DCAF5: variants seen among roughly 807,000 people sequenced by gnomAD.
DCAF5 encodes DDB1- and CUL4-associated factor 5.
A neutral mutation model predicts 80.7 loss-of-function variants in DCAF5; 9 were observed. The observed-to-expected ratio is 0.11, with a 90% CI of 0.07 to 0.19. The LOEUF (loss-of-function observed/expected upper bound fraction) is 0.19. DCAF5 is among the 10% of genes least tolerant of loss of function. The pLI, the probability that DCAF5 is intolerant of heterozygous loss-of-function variation, is 1.00. For missense variants in DCAF5, 842 were observed against 1,205.7 expected (o/e 0.70, Z 4.47); for synonymous variants, 433 against 461.9 (o/e 0.94, Z 0.80).
chr14:69,125,995 C>T (rs1045685562), intron 1 of DCAF5, among the ~76,000 whole-genome samples: 7 of 151,468 alleles, frequency 4.6e-5, no homozygotes, highest in Non-Finnish European at 1.0e-4. Context: ...GGTTAATATA[C>T]AAAAGTCCAT....
intron 2 of DCAF5, among the ~76,000 whole-genome samples, chr14:69,121,300 C>A (rs1470931742): frequency 6.6e-6 from 1 of 152,032 alleles, no homozygotes; most frequent in African/African-American, 2.4e-5. Context: ...TCACAGAAGG[C>A]CATTGCAAAA....
chr14:69,125,738 A>G (rs1299714122), intron 1 of DCAF5, among the ~76,000 whole-genome samples: 1 of 152,252 alleles, frequency 6.6e-6, no homozygotes, highest in Non-Finnish European at 1.5e-5. Context: ...AACATCATAC[A>G]GCAGTTAAAG....
chr14:69,124,181 C>T (rs1275920901), intron 1 of DCAF5, among the ~76,000 whole-genome samples: 3 of 152,120 alleles, frequency 2.0e-5, no homozygotes, highest in African/African-American at 7.2e-5. Context: ...GAATAGTATT[C>T]CATCGTATAT....
intron 6 of DCAF5, among the ~76,000 whole-genome samples, chr14:69,080,213 T>C (rs1202351146): frequency 1.3e-5 from 2 of 152,138 alleles, no homozygotes; most frequent in East Asian, 1.9e-4. Context: ...GATTCCTGTC[T>C]TCTAAAGCTA....
rs878988165 is a variant in DCAF5, at chr14:69,053,804, T to A, written c.*53A>T. The A allele has an allele frequency of 6.7e-7, 1 of 1,484,426 alleles. No homozygotes were observed. The highest frequency in any genetic ancestry group is 1.3e-5 in the South Asian group (1 of 74,642). The allele number at this position is 1,484,426 out of a possible 1,614,324, so 92.0% of individuals were successfully genotyped here. ...TTTCCTCTGTATTCACTAAACAATT[T>A]TTTTTTTTTTGTAAGGCTACTTTTG... On this transcript the variant is annotated 3_prime_UTR_variant, in exon 9 of 9. Transcript: ENST00000341516.
intron 5 of DCAF5, among the ~76,000 whole-genome samples, chr14:69,099,376 G>A (rs10139873): frequency 0.3 from 45,900 of 150,840 alleles, 9,286 homozygotes; most frequent in East Asian, 0.9. Flanking sequence ...ACCTGATCTC[G>A]AGGGGCAAGC....
chr14:69,090,101 CTA>C (rs1188073817), intron 6 of DCAF5: 2 of 985,060 alleles, frequency 2.0e-6, no homozygotes, highest in East Asian at 2.3e-4. Flanking sequence ...ACTGCATGCT[CTA>C]TTATTCAACA....
intron 1 of DCAF5, among the ~76,000 whole-genome samples, chr14:69,123,371 G>A (rs886805370): frequency 6.6e-6 from 1 of 151,926 alleles, no homozygotes; most frequent in African/African-American, 2.4e-5. Context: ...GCTTATACTC[G>A]CATATCTATG....
chr14:69,062,817 A>G (rs1262518372), intron 7 of DCAF5, among the ~76,000 whole-genome samples: 1 of 152,230 alleles, frequency 6.6e-6, no homozygotes, highest in Non-Finnish European at 1.5e-5. Context: ...TCCCCAAGAT[A>G]GAATCCAAGT....
intron 7 of DCAF5, among the ~76,000 whole-genome samples, chr14:69,074,571 A>G (rs1287175504): frequency 9.2e-5 from 14 of 152,198 alleles, no homozygotes; most frequent in Admixed American, 9.2e-4. Context: ...TCCTGGGTCA[A>G]CAAAGCCCCA....
At chr14:69,128,091 GA>G (rs1378341707) in intron 1 of DCAF5, among the ~76,000 whole-genome samples, 1 of 151,170 alleles carries the variant, frequency 6.6e-6, no homozygotes, top group Non-Finnish European at 1.5e-5. Context: ...AAACTTTCCA[GA>G]AAAAAAAGTA....
At chr14:69,112,592 T>TACACACACACAC (rs1398075694) in intron 5 of DCAF5, among the ~76,000 whole-genome samples, 5 of 84,894 alleles carry the variant, frequency 5.9e-5, no homozygotes, top group African/African-American at 2.9e-4. Flanking sequence ...GATATATATG[T>TACACACACACAC]ATACACACAC....
chr14:69,119,060 T>A (rs1194027351), intron 3 of DCAF5, 134 bp downstream of exon 3: 1 of 803,560 alleles, frequency 1.2e-6, no homozygotes, highest in East Asian at 2.9e-5. Flanking sequence ...TTGTAGGAAT[T>A]TTTTTAGAAA....
intron 1 of DCAF5, among the ~76,000 whole-genome samples, chr14:69,126,738 C>A (rs1239564641): frequency 6.6e-6 from 1 of 152,024 alleles, no homozygotes; most frequent in Admixed American, 6.6e-5. Context: ...AACAGAGGGG[C>A]CAAAAACAGA....
chr14:69,106,300 C>T (rs984360234), intron 5 of DCAF5, among the ~76,000 whole-genome samples: 1 of 152,092 alleles, frequency 6.6e-6, no homozygotes, highest in African/African-American at 2.4e-5. Context: ...AGGTGATCCA[C>T]CCTCCTTGGC....
At position 69,098,916 on chromosome 14, in the gene DCAF5, GAAAAGAAAA is replaced by G. The variant is rs1321862948; in HGVS notation, c.666-7038_666-7030del. 1.1e-3 allele frequency among the ~76,000 whole-genome samples: 121 copies of G among 106,378 alleles called. 2 individuals carry two copies. The highest frequency in any genetic ancestry group is 5.6e-3 in the Middle Eastern group (1 of 180). The allele number at this position is 106,378 out of a possible 152,430, so 69.8% of individuals were successfully genotyped here. On this transcript the variant is annotated intron_variant, in intron 5 of 8. Coordinates refer to ENST00000341516, the MANE Select transcript of DCAF5 (RefSeq NM_003861.3). Reference sequence around the variant, plus strand: ...TCCAAAAAAAAAAAAAAAAAAAAAAGAAAAGAAAAAAAAGAAAAACACTGACTTAAAACG... The same window carrying G: ...TCCAAAAAAAAAAAAAAAAAAAAAAGAAAAGAAAAACACTGACTTAAAACG...
intron 7 of DCAF5, among the ~76,000 whole-genome samples, chr14:69,064,638 T>C (rs1466824872): frequency 1.3e-5 from 2 of 152,192 alleles, no homozygotes; most frequent in Non-Finnish European, 2.9e-5. Flanking sequence ...AGTTATTAGA[T>C]AGGTGGTTTT....
At chr14:69,114,561 T>C (rs1223489829) in intron 5 of DCAF5, among the ~76,000 whole-genome samples, 1 of 152,206 alleles carries the variant, frequency 6.6e-6, no homozygotes, top group Non-Finnish European at 1.5e-5. Flanking sequence ...AAGAAACTGT[T>C]CACTGTAGTT....
At chr14:69,097,129 A>G (rs2039749166) in intron 5 of DCAF5, among the ~76,000 whole-genome samples, 1 of 152,190 alleles carries the variant, frequency 6.6e-6, no homozygotes, top group Non-Finnish European at 1.5e-5. Flanking sequence ...AAAAGTCTGG[A>G]AAAAAATCCT....
Sources: allele counts gnomAD v4.1 joint callset (sites outside exome capture counted in the v4.1 genomes callset), GRCh38; gene constraint gnomAD v4.1.1; transcripts MANE v1.5; gene names NCBI Gene and HGNC (gene_info 2026-07-23, HGNC 2026-07-21).